IGF1R: variants seen among roughly 807,000 people sequenced by gnomAD.
IGF1R encodes the protein insulin-like growth factor 1 receptor.
Under a neutral mutation model 144.6 loss-of-function variants are expected in IGF1R, and 44 were observed. The ratio of observed to expected loss-of-function variants is 0.30; its 90% CI spans 0.24 to 0.39. The LOEUF is 0.39. Ranked by LOEUF, IGF1R falls within the 10% of genes least tolerant of loss-of-function variation. The pLI, the probability that IGF1R is intolerant of heterozygous loss-of-function variation, is 1.00. For missense variants in IGF1R, 1,355 were observed against 1,833.7 expected, an observed-to-expected ratio of 0.74 and a Z score of 4.77; for synonymous variants, 795 against 722.8, an observed-to-expected ratio of 1.10 and a Z score of -1.60.
chr15:98,714,018 G>A (rs2141269569), intron 2 of IGF1R, among the ~76,000 whole-genome samples: 1 of 152,264 alleles, frequency 6.6e-6, no homozygotes, highest in South Asian at 2.1e-4. Flanking sequence ...GGAGTTTGTT[G>A]CATTTCCTAT....
At chr15:98,943,186 C>A in intron 19 of IGF1R, 134 bp downstream of exon 19, 1 of 967,996 alleles carries the variant, frequency 1.0e-6, no homozygotes, top group Non-Finnish European at 1.6e-6. Flanking sequence ...TTGTGTGAGC[C>A]ACACTTCTTC....
intron 2 of IGF1R, among the ~76,000 whole-genome samples, chr15:98,862,890 A>G (rs533279810): frequency 2.1e-4 from 32 of 152,340 alleles, no homozygotes; most frequent in African/African-American, 4.3e-4. Flanking sequence ...CCCAGCTTCC[A>G]CAGATGTTAA....
chr15:98,691,836 C>CA lies in IGF1R; in HGVS notation c.95-15725dup, dbSNP rs563934164. ...GACATACATCTATTTGCCCCACTGACATGAGGGTTGGATCTCTAGAAGAGG... is the reference window on the plus strand; with the variant it reads ...GACATACATCTATTTGCCCCACTGACAATGAGGGTTGGATCTCTAGAAGAGG... On this transcript the variant is annotated intron_variant, in intron 1 of 20. Transcript: ENST00000650285. Among the ~76,000 whole-genome samples, 16 of 152,262 alleles carry CA rather than the reference C, an allele frequency of 1.1e-4. No homozygotes were observed. In the South Asian group the frequency reaches 3.3e-3, roughly 32 times the overall value.
chr15:98,807,793 G>A (rs748178507), intron 2 of IGF1R, among the ~76,000 whole-genome samples: 8 of 152,188 alleles, frequency 5.3e-5, no homozygotes, highest in Non-Finnish European at 1.2e-4. Context: ...TCTCCTTGCC[G>A]TTTATGGGTC....
At chr15:98,932,636 G>T (rs2015988865) in intron 15 of IGF1R, among the ~76,000 whole-genome samples, 2 of 152,182 alleles carry the variant, frequency 1.3e-5, no homozygotes, top group Non-Finnish European at 2.9e-5. Context: ...TAAATGGCTG[G>T]AGACAGTGAA....
rs2017118332 is a variant in IGF1R at position 98,958,930 on chromosome 15, C to G, written c.*1488C>G. On this transcript the variant is annotated 3_prime_UTR_variant, in exon 21 of 21. Coordinates refer to ENST00000650285, the MANE Select transcript of IGF1R (RefSeq NM_000875.5). ...ATACATCCCCCATCCCTGCTCCCACCTGCCCCTTTAGTTGTTTTCTAACCC... is the reference window on the plus strand; with the variant it reads ...ATACATCCCCCATCCCTGCTCCCACGTGCCCCTTTAGTTGTTTTCTAACCC... The G allele has an allele frequency of 4.3e-6, 1 of 233,408 alleles. No homozygotes were observed. The highest frequency in any genetic ancestry group is 2.2e-5 in the African/African-American group (1 of 45,336). 14.5% of individuals were successfully genotyped at this position (233,408 alleles called of 1,614,324 possible). A position where few individuals can be genotyped will look rare whatever the true frequency, so the allele number is the denominator to read the frequency against.
At chr15:98,833,927 G>A (rs2057047722) in intron 2 of IGF1R, among the ~76,000 whole-genome samples, 1 of 152,194 alleles carries the variant, frequency 6.6e-6, no homozygotes, top group Non-Finnish European at 1.5e-5. Context: ...GTTGGATCAT[G>A]ATAACTCTGG....
intron 2 of IGF1R, 133 bp downstream of exon 2, chr15:98,708,240 G>C (rs1350392709): frequency 2.5e-6 from 2 of 802,140 alleles, no homozygotes; most frequent in Non-Finnish European, 4.2e-6. Context: ...GACGTGGCAT[G>C]CCTGCTGTGC....
chr15:98,896,710 C>G lies in IGF1R; in HGVS notation c.954-47C>G, dbSNP rs201367161. Reference sequence around the variant, plus strand: ...TTATGGTTTTTTTAATGCAAGAAGACAGACTCAATTATGTGTGTTTTTGAT... The same window carrying G: ...TTATGGTTTTTTTAATGCAAGAAGAGAGACTCAATTATGTGTGTTTTTGAT... On this transcript the variant is annotated intron_variant, in intron 3 of 20. Coordinates refer to ENST00000650285, the MANE Select transcript of IGF1R (RefSeq NM_000875.5). The G allele has an allele frequency of 3.5e-5, 56 of 1,583,768 alleles. No homozygotes were observed. In the East Asian group the frequency reaches 8.5e-4, roughly 24 times the overall value.
chr15:98,655,243 G>C (rs1334588834), intron 1 of IGF1R, among the ~76,000 whole-genome samples: 1 of 152,188 alleles, frequency 6.6e-6, no homozygotes, highest in East Asian at 1.9e-4. Flanking sequence ...TCCTCGGCAT[G>C]ATGTTTTCTT....
intron 1 of IGF1R, among the ~76,000 whole-genome samples, chr15:98,689,638 C>G (rs183777680): frequency 6.6e-6 from 1 of 152,220 alleles, no homozygotes; most frequent in Admixed American, 6.5e-5. Flanking sequence ...TGATTGCAGG[C>G]AGGGACCTTG....
chr15:98,649,696 C>T lies in IGF1R; in HGVS notation c.94+21C>T, dbSNP rs781293654. The T allele has an allele frequency of 1.0e-5, 16 of 1,572,878 alleles. 1 individual carries two copies. In the East Asian group the frequency reaches 1.4e-4, roughly 13 times the overall value. ...AGAAAGTGAGTATGTGCCCGCCGCCCGCGGCCACTGCGGGAACTTTTCCTC... is the reference window on the plus strand; with the variant it reads ...AGAAAGTGAGTATGTGCCCGCCGCCTGCGGCCACTGCGGGAACTTTTCCTC... On this transcript the variant is annotated intron_variant, in intron 1 of 20. Coordinates refer to ENST00000650285, the MANE Select transcript of IGF1R (RefSeq NM_000875.5).
intron 2 of IGF1R, among the ~76,000 whole-genome samples, chr15:98,868,644 C>G (rs974018660): frequency 1.3e-5 from 2 of 152,184 alleles, no homozygotes; most frequent in Non-Finnish European, 2.9e-5. Context: ...GCTCTGCCTT[C>G]TTCAAGCTGT....
chr15:98,943,135 TTC>T, intron 19 of IGF1R, 83 bp downstream of exon 19: 1 of 1,497,426 alleles, frequency 6.7e-7, no homozygotes, highest in Non-Finnish European at 9.3e-7. Flanking sequence ...GGCTTTATCT[TTC>T]TCTGTTCATT....
intron 20 of IGF1R, among the ~76,000 whole-genome samples, chr15:98,955,016 C>A (rs746127840): frequency 6.6e-6 from 1 of 152,128 alleles, no homozygotes; most frequent in Non-Finnish European, 1.5e-5. Context: ...CATTCTGTTG[C>A]GCAGAGAACT....
At chr15:98,866,233 G>C (rs1596374015) in intron 2 of IGF1R, among the ~76,000 whole-genome samples, 2 of 152,106 alleles carry the variant, frequency 1.3e-5, no homozygotes, top group East Asian at 1.9e-4. Flanking sequence ...CTCTGTCTCT[G>C]TCCCCCGCCG....
chr15:98,697,878 C>G (rs1445524141), intron 1 of IGF1R, among the ~76,000 whole-genome samples: 2 of 134,810 alleles, frequency 1.5e-5, no homozygotes, highest in Non-Finnish European at 3.1e-5. Flanking sequence ...GCTGGAATTA[C>G]ACGCGCCCGC....
At position 98,961,816 on chromosome 15, in the gene IGF1R, C is replaced by T. The variant is rs1352525834; in HGVS notation, c.*4374C>T. 2 of 233,252 alleles carry T rather than the reference C, an allele frequency of 8.6e-6. No homozygotes were observed. Among genetic ancestry groups the T allele is most frequent in the African/African-American group, 4.4e-5 (2 of 45,360 alleles). 14.4% of individuals were successfully genotyped at this position (233,252 alleles called of 1,614,324 possible). A position where few individuals can be genotyped will look rare whatever the true frequency, so the allele number is the denominator to read the frequency against. ...ACATACCTTTGGAACGAGCCTCCTC[C>T]TTGGAAGATGGAAGACCGTGTTCGT... On this transcript the variant is annotated 3_prime_UTR_variant, in exon 21 of 21. Coordinates refer to ENST00000650285, the MANE Select transcript of IGF1R (RefSeq NM_000875.5).
chr15:98,658,030 C>T (rs1266105667), intron 1 of IGF1R, among the ~76,000 whole-genome samples: 6 of 152,156 alleles, frequency 3.9e-5, no homozygotes, highest in African/African-American at 1.2e-4. Flanking sequence ...ATACTCAGAA[C>T]GTGCCTCTTG....
Sources: gnomAD v4.1 joint callset for allele counts (sites outside exome capture counted in the v4.1 genomes callset) on GRCh38, gnomAD v4.1.1 for gene constraint, MANE v1.5 for transcripts, NCBI Gene and HGNC (gene_info 2026-07-23, HGNC 2026-07-21) for gene names.